Variants in ABLIM1 observed in about 807,000 individuals in gnomAD.
ABLIM1 encodes the protein actin-binding LIM protein 1.
ABLIM1 carries 40 observed loss-of-function variants against 107.0 expected under a neutral mutation model. The observed-to-expected ratio is 0.37, with a 90% CI of 0.29 to 0.49. The LOEUF (loss-of-function observed/expected upper bound fraction) is 0.49, where lower values mean the gene tolerates loss of function less well. Ranked by LOEUF, ABLIM1 falls within the 20% of genes least tolerant of loss-of-function variation. The pLI, the probability that ABLIM1 is intolerant of heterozygous loss-of-function variation, is 0.97. For synonymous variants in ABLIM1, 357 were observed against 357.3 expected (o/e 1.00, Z 0.01); for missense variants, 857 against 1,008.5 (o/e 0.85, Z 2.04).
chr10:114,439,376 A>G, intron 20 of ABLIM1, 126 bp from the exon 21 acceptor site: 1 of 927,398 alleles, frequency 1.1e-6, no homozygotes, highest in Non-Finnish European at 1.7e-6. Flanking sequence ...GTGTCATCTA[A>G]ATGACCATGT....
chr10:114,644,258 G>C (rs1366438225), intron 1 of ABLIM1, among the ~76,000 whole-genome samples: 1 of 109,988 alleles, frequency 9.1e-6, no homozygotes, highest in African/African-American at 3.8e-5. Flanking sequence ...TCCAGCCTGG[G>C]TGACAGAGTG....
chr10:114,711,534 G>A (rs1207492660), intron 1 of ABLIM1, among the ~76,000 whole-genome samples: 1 of 152,188 alleles, frequency 6.6e-6, no homozygotes, highest in African/African-American at 2.4e-5. Flanking sequence ...GTCTTGGCAG[G>A]TGACAGATGT....
intron 1 of ABLIM1, among the ~76,000 whole-genome samples, chr10:114,726,047 CT>C (rs1318004189): frequency 3.9e-5 from 6 of 151,976 alleles, no homozygotes; most frequent in Non-Finnish European, 7.4e-5. Context: ...CATGCCTGGC[CT>C]TGTGTGACTT....
At chr10:114,793,577 T>C in the ABLIM1 span, among the ~76,000 whole-genome samples, 5 of 152,192 alleles carry the variant, frequency 3.3e-5, no homozygotes, top group African/African-American at 1.2e-4. Context: ...TAATTGACAG[T>C]GGCCCCAGCT....
intron 6 of ABLIM1, among the ~76,000 whole-genome samples, chr10:114,535,727 C>T (rs541314186): frequency 2.6e-5 from 4 of 152,188 alleles, no homozygotes; most frequent in Admixed American, 6.5e-5. Context: ...ACATACCATA[C>T]AATTCACCCT....
intron 1 of ABLIM1, among the ~76,000 whole-genome samples, chr10:114,742,729 G>C (rs2082311253): frequency 6.6e-6 from 1 of 152,124 alleles, no homozygotes; most frequent in Non-Finnish European, 1.5e-5. Flanking sequence ...AGAAGTTTGA[G>C]ACCAGCCTGG....
intron 1 of ABLIM1, among the ~76,000 whole-genome samples, chr10:114,668,884 A>G (rs901698061): frequency 3.3e-5 from 5 of 152,176 alleles, no homozygotes; most frequent in Non-Finnish European, 7.4e-5. Flanking sequence ...AGCAGGAGGG[A>G]TAGCTTTCGT....
At chr10:114,732,083 C>A (rs1591906166) in intron 1 of ABLIM1, among the ~76,000 whole-genome samples, 1 of 138,432 alleles carries the variant, frequency 7.2e-6, no homozygotes, top group East Asian at 2.1e-4. Flanking sequence ...TTCTCATCAA[C>A]ACTTGTATTC....
intron 1 of ABLIM1, among the ~76,000 whole-genome samples, chr10:114,757,542 C>T (rs1392054263): frequency 6.6e-6 from 1 of 152,148 alleles, no homozygotes; most frequent in Non-Finnish European, 1.5e-5. Flanking sequence ...TAAGATTCCC[C>T]TCTTTCTTCT....
the ABLIM1 span, among the ~76,000 whole-genome samples, chr10:114,787,292 T>C: frequency 0.97 from 147,279 of 151,282 alleles, 71,690 homozygotes; most frequent in East Asian, 1. Context: ...GGAGCCTCTC[T>C]GCCCAGCAGC....
chr10:114,437,815 T>G (rs901264446), intron 22 of ABLIM1, 29 bp downstream of exon 22: 1 of 1,593,148 alleles, frequency 6.3e-7, no homozygotes, highest in Non-Finnish European at 8.6e-7. Context: ...GATCTGCAGT[T>G]GGGACTGGAT....
intron 21 of ABLIM1, 85 bp downstream of exon 21, chr10:114,439,091 T>C: frequency 2.0e-6 from 3 of 1,524,952 alleles, no homozygotes; most frequent in Non-Finnish European, 2.7e-6. Context: ...CTACAACACT[T>C]TGAGAATGAT....
intron 12 of ABLIM1, chr10:114,463,305 G>C: frequency 5.6e-5 from 49 of 872,002 alleles, no homozygotes; most frequent in Non-Finnish European, 6.9e-5. Context: ...AAGGGAGGAA[G>C]GAGAAAGGGT....
intron 1 of ABLIM1, among the ~76,000 whole-genome samples, chr10:114,755,305 C>A (rs2082604804): frequency 2.0e-5 from 3 of 152,180 alleles, no homozygotes; most frequent in Admixed American, 2.0e-4. Context: ...AACCATTCCT[C>A]CCCAACCACA....
intron 2 of ABLIM1, among the ~76,000 whole-genome samples, chr10:114,594,776 A>G (rs2075253467): frequency 6.6e-6 from 1 of 152,160 alleles, no homozygotes; most frequent in African/African-American, 2.4e-5. Flanking sequence ...AAACAAATTT[A>G]TGAATAACCA....
At chr10:114,667,843 T>A (rs1363971371) in intron 1 of ABLIM1, among the ~76,000 whole-genome samples, 2 of 152,214 alleles carry the variant, frequency 1.3e-5, no homozygotes, top group Non-Finnish European at 2.9e-5. Flanking sequence ...GAGTTTTACC[T>A]CTAGCATGTA....
At chr10:114,470,847 C>CTT (rs10692424) in intron 10 of ABLIM1, among the ~76,000 whole-genome samples, 3,230 of 151,358 alleles carry the variant, frequency 0.021, 132 homozygotes, top group African/African-American at 0.076. Flanking sequence ...TCTGGTTTTT[C>CTT]TTTTTTTCTT....
chr10:114,730,439 G>A (rs1298263383), intron 1 of ABLIM1, among the ~76,000 whole-genome samples: 1 of 150,984 alleles, frequency 6.6e-6, no homozygotes, highest in Non-Finnish European at 1.5e-5. Flanking sequence ...GTAGAGAAGG[G>A]CTGAGTAAGC....
intron 6 of ABLIM1, among the ~76,000 whole-genome samples, chr10:114,503,033 A>G (rs1189780521): frequency 1.3e-5 from 2 of 152,128 alleles, no homozygotes; most frequent in Non-Finnish European, 2.9e-5. Context: ...CTTTCACTCA[A>G]CACTTTGTGA....
Sources: gnomAD v4.1 joint callset for allele counts (sites outside exome capture counted in the v4.1 genomes callset) on GRCh38, gnomAD v4.1.1 for gene constraint, MANE v1.5 for transcripts, NCBI Gene and HGNC (gene_info 2026-07-23, HGNC 2026-07-21) for gene names.